The following ULK4 variants were observed in gnomAD, a reference collection of about 807,000 sequenced individuals.
The protein encoded by ULK4 is inactive serine/threonine-protein kinase ULK4.
ULK4 carries 133 observed loss-of-function variants against 160.6 expected under a neutral mutation model. That is an observed-to-expected ratio of 0.83 (90% confidence interval 0.72 to 0.96). ULK4 has a LOEUF of 0.96. Among genes scored for constraint, ULK4 ranks in the 40% least tolerant of loss-of-function variants. ULK4 has a pLI of 0.00. For missense variants in ULK4, 1,580 were observed against 1,499.5 expected, an observed-to-expected ratio of 1.05 and a Z score of -0.89; for synonymous variants, 534 against 539.8, an observed-to-expected ratio of 0.99 and a Z score of 0.15.
intron 18 of ULK4, among the ~76,000 whole-genome samples, chr3:41,830,088 T>C (rs1379832984): frequency 2.0e-5 from 3 of 152,000 alleles, no homozygotes; most frequent in Non-Finnish European, 2.9e-5. Flanking sequence ...TAGGTGGGAA[T>C]TGAACAACGA....
chr3:41,678,922 G>T (rs940414630), intron 29 of ULK4, among the ~76,000 whole-genome samples: 1 of 152,166 alleles, frequency 6.6e-6, no homozygotes, highest in African/African-American at 2.4e-5. Context: ...TGGAGAGCAT[G>T]AATTTTCCAT....
intron 19 of ULK4, among the ~76,000 whole-genome samples, chr3:41,810,687 A>T (rs979017513): frequency 2.0e-5 from 3 of 152,182 alleles, no homozygotes; most frequent in Non-Finnish European, 4.4e-5. Context: ...AGTTGTGGTT[A>T]TATGTAAGAT....
At position 41,306,375 on chromosome 3, in the gene ULK4, T is replaced by C. The variant is rs867314401; in HGVS notation, c.3679-56801A>G. Among the ~76,000 whole-genome samples, 41 of 91,642 alleles carry C rather than the reference T, an allele frequency of 4.5e-4. 1 individual carries two copies. In the South Asian group the frequency reaches 7.0e-3, roughly 16 times the overall value. The allele number at this position is 91,642 out of a possible 152,430, so 60.1% of individuals were successfully genotyped here. A position where few individuals can be genotyped will look rare whatever the true frequency, so the allele number is the denominator to read the frequency against. ...GGGGTCAGCCCCCCGCCCAGCCAGC[T>C]GCCCCGTCCGGGAGGTGAGGGGCGC... On this transcript the variant is annotated intron_variant, in intron 35 of 36. Transcript: ENST00000301831.
chr3:41,821,171 GT>G (rs1220893734), intron 18 of ULK4, among the ~76,000 whole-genome samples: 1 of 152,076 alleles, frequency 6.6e-6, no homozygotes, highest in African/African-American at 2.4e-5. Flanking sequence ...AGTCTCTTTA[GT>G]TGTCCCTTTA....
intron 21 of ULK4, among the ~76,000 whole-genome samples, chr3:41,757,381 C>A (rs1031873745): frequency 6.6e-6 from 1 of 151,948 alleles, no homozygotes; most frequent in Non-Finnish European, 1.5e-5. Flanking sequence ...GCCTGTAATC[C>A]CAGCACTTTG....
At chr3:41,537,353 A>G (rs556870505) in intron 32 of ULK4, among the ~76,000 whole-genome samples, 1 of 152,286 alleles carries the variant, frequency 6.6e-6, no homozygotes, top group South Asian at 2.1e-4. Context: ...GGCATCTTCA[A>G]TGGTGTAATC....
chr3:41,664,989 T>G (rs1347403453), intron 29 of ULK4, among the ~76,000 whole-genome samples: 1 of 152,206 alleles, frequency 6.6e-6, no homozygotes, highest in Non-Finnish European at 1.5e-5. Context: ...TATGCAGCAC[T>G]GTGTAGATGC....
chr3:41,304,364 TGTATAAGCCACTGA>T (rs2079862643), intron 35 of ULK4, among the ~76,000 whole-genome samples: 1 of 150,878 alleles, frequency 6.6e-6, no homozygotes. Context: ...ATCTGCCTAG[TGTATAAGCCACTGA>T]GTATCTCCAA....
At chr3:41,365,257 G>T (rs545734753) in intron 35 of ULK4, among the ~76,000 whole-genome samples, 1 of 152,256 alleles carries the variant, frequency 6.6e-6, no homozygotes, top group East Asian at 1.9e-4. Flanking sequence ...CCTCATTTAA[G>T]AAAAAGAAGA....
At chr3:41,372,185 C>T (rs1333585678) in intron 35 of ULK4, among the ~76,000 whole-genome samples, 3 of 151,938 alleles carry the variant, frequency 2.0e-5, no homozygotes, top group Admixed American at 2.0e-4. Flanking sequence ...TACCTGAAAG[C>T]GATGGAAAGA....
At chr3:41,801,991 G>A (rs2040475129) in intron 19 of ULK4, among the ~76,000 whole-genome samples, 1 of 148,602 alleles carries the variant, frequency 6.7e-6, no homozygotes. Context: ...AGACAATAAA[G>A]CAATATATTT....
At chr3:41,458,241 A>G (rs2083599981) in intron 33 of ULK4, among the ~76,000 whole-genome samples, 1 of 152,170 alleles carries the variant, frequency 6.6e-6, no homozygotes, top group Non-Finnish European at 1.5e-5. Flanking sequence ...ATATCCAACT[A>G]AAGAAGGTGA....
chr3:41,531,559 A>C (rs1255074449), intron 32 of ULK4, among the ~76,000 whole-genome samples: 2 of 152,132 alleles, frequency 1.3e-5, no homozygotes, highest in Non-Finnish European at 1.5e-5. Context: ...TCTCATCAAC[A>C]GTTAGCTGCA....
At chr3:41,384,249 T>TA (rs1212318729) in intron 35 of ULK4, among the ~76,000 whole-genome samples, 1 of 152,160 alleles carries the variant, frequency 6.6e-6, no homozygotes, top group Non-Finnish European at 1.5e-5. Flanking sequence ...ACAATCATTC[T>TA]ACTCCAGAGT....
chr3:41,379,211 A>T (rs1264309425), intron 35 of ULK4, among the ~76,000 whole-genome samples: 2 of 152,108 alleles, frequency 1.3e-5, no homozygotes, highest in Non-Finnish European at 2.9e-5. Flanking sequence ...TTTAAAAAAA[A>T]AATAGTGAAA....
chr3:41,806,362 G>C (rs898239383), intron 19 of ULK4, among the ~76,000 whole-genome samples: 1 of 152,186 alleles, frequency 6.6e-6, no homozygotes, highest in South Asian at 2.1e-4. Context: ...GAGTCTATTT[G>C]ATTCTTCTCT....
intron 30 of ULK4, among the ~76,000 whole-genome samples, chr3:41,655,430 T>A (rs1205640007): frequency 1.3e-5 from 2 of 150,736 alleles, no homozygotes; most frequent in East Asian, 4.0e-4. Context: ...TAATGCTAAA[T>A]GACGAGTTAA....
At chr3:41,493,853 C>T (rs1445751488) in intron 32 of ULK4, among the ~76,000 whole-genome samples, 2 of 143,184 alleles carry the variant, frequency 1.4e-5, no homozygotes, top group African/African-American at 5.2e-5. Context: ...TTCCTCGACA[C>T]ATACACCCTC....
intron 35 of ULK4, among the ~76,000 whole-genome samples, chr3:41,291,151 A>G (rs941989872): frequency 6.6e-6 from 1 of 151,744 alleles, no homozygotes; most frequent in African/African-American, 2.4e-5. Flanking sequence ...TAACCTTTCA[A>G]TCTCCTGTCT....
Sources: allele counts gnomAD v4.1 joint callset (sites outside exome capture counted in the v4.1 genomes callset), GRCh38; gene constraint gnomAD v4.1.1; transcripts MANE v1.5; gene names NCBI Gene and HGNC (gene_info 2026-07-23, HGNC 2026-07-21).